The following SEPTIN11 variants were observed in gnomAD, a reference collection of about 807,000 sequenced individuals.
The protein encoded by SEPTIN11 is septin 11.
In SEPTIN11, 25 loss-of-function variants were observed where a neutral mutation model predicts 51.4. The observed-to-expected ratio is 0.49, with a 90% CI of 0.35 to 0.68. The LOEUF is 0.68. Among genes scored for constraint, SEPTIN11 ranks in the 30% least tolerant of loss-of-function variants. The pLI is 0.00. For synonymous variants in SEPTIN11, 174 were observed against 184.1 expected (o/e 0.95, Z 0.44); for missense variants, 381 against 520.8 (o/e 0.73, Z 2.61).
chr4:76,989,251 G>C (rs1021197785), intron 1 of SEPTIN11, among the ~76,000 whole-genome samples: 1 of 151,896 alleles, frequency 6.6e-6, no homozygotes, highest in Admixed American at 6.6e-5. Context: ...AAAATCTCCA[G>C]CTCTCCACCT....
At chr4:77,038,997 A>G, downstream of SEPTIN11, 3 of 985,888 alleles carry the variant, frequency 3.0e-6, no homozygotes, top group South Asian at 2.7e-5. Context: ...AGCTTGTTGT[A>G]GAGAAGCTCC....
At position 77,037,906 on chromosome 4, in the gene SEPTIN11, AAC is replaced by A; in HGVS notation, c.*3402_*3403del. The A allele has an allele frequency of 3.0e-6, 3 of 985,924 alleles. No homozygotes were observed. Among genetic ancestry groups the A allele is most frequent in the East Asian group, 1.1e-4 (1 of 8,824 alleles). 61.1% of individuals were successfully genotyped at this position (985,924 alleles called of 1,614,324 possible). ...CTCTGCTTTGTGACTCACCAGCAGT[AAC>A]ACACACAATCCACATCTTGTGCACC... is the stretch of plus-strand genomic sequence containing the variant. On this transcript the variant is annotated 3_prime_UTR_variant, in exon 10 of 10. Coordinates refer to ENST00000264893, the MANE Select transcript of SEPTIN11 (RefSeq NM_018243.4).
At chr4:77,016,631 C>CATATATATATATATATATATAT (rs1560736233) in intron 5 of SEPTIN11, among the ~76,000 whole-genome samples, 1 of 22,722 alleles carries the variant, frequency 4.4e-5, no homozygotes, top group African/African-American at 1.6e-4. Flanking sequence ...TATATATATA[C>CATATATATATATATATATATAT]ACATATATAT....
intron 1 of SEPTIN11, among the ~76,000 whole-genome samples, chr4:76,979,401 A>C (rs1722652336): frequency 6.6e-6 from 1 of 152,142 alleles, no homozygotes; most frequent in African/African-American, 2.4e-5. Context: ...CTCTGTGCAG[A>C]GGTCGGTATG....
chr4:76,976,351 G>A (rs1462617646), intron 1 of SEPTIN11, among the ~76,000 whole-genome samples: 1 of 152,064 alleles, frequency 6.6e-6, no homozygotes, highest in African/African-American at 2.4e-5. Flanking sequence ...TCCAAGGCTT[G>A]TGATTCCCTA....
intron 1 of SEPTIN11, among the ~76,000 whole-genome samples, chr4:76,967,663 TG>T (rs769893548): frequency 6.6e-6 from 1 of 152,258 alleles, no homozygotes. Flanking sequence ...TGGTTGAGTC[TG>T]CCAATTTGCA....
chr4:76,980,093 C>G (rs1432352294), intron 1 of SEPTIN11, among the ~76,000 whole-genome samples: 1 of 151,820 alleles, frequency 6.6e-6, no homozygotes, highest in South Asian at 2.1e-4. Context: ...TTTTTTTGTT[C>G]TGTGGATAAG....
At chr4:77,027,819 T>C (rs746399987) in intron 7 of SEPTIN11, among the ~76,000 whole-genome samples, 1 of 152,206 alleles carries the variant, frequency 6.6e-6, no homozygotes, top group Non-Finnish European at 1.5e-5. Flanking sequence ...TCTGTAAATA[T>C]ATTTGTTTTG....
chr4:76,983,288 G>C (rs1722861498), intron 1 of SEPTIN11, among the ~76,000 whole-genome samples: 1 of 152,208 alleles, frequency 6.6e-6, no homozygotes, highest in South Asian at 2.1e-4. Flanking sequence ...TTTCATTGCT[G>C]ACTTTGAAGA....
At chr4:76,994,585 C>A (rs554192021) in intron 1 of SEPTIN11, among the ~76,000 whole-genome samples, 1 of 152,296 alleles carries the variant, frequency 6.6e-6, no homozygotes, top group South Asian at 2.1e-4. Context: ...GTTGTCTGTC[C>A]CATTGACCTC....
rs1727021311 is a variant in SEPTIN11, at chr4:77,036,326, T to C, written c.*1814T>C. 1 of 1,035,632 alleles carries C rather than the reference T, an allele frequency of 9.7e-7. No homozygotes were observed. Among genetic ancestry groups the C allele is most frequent in the Admixed American group, 5.1e-5 (1 of 19,464 alleles). 64.2% of individuals were successfully genotyped at this position (1,035,632 alleles called of 1,614,324 possible). A position where few individuals can be genotyped will look rare whatever the true frequency, so the allele number is the denominator to read the frequency against. On this transcript the variant is annotated 3_prime_UTR_variant, in exon 10 of 10. Coordinates refer to ENST00000264893, the MANE Select transcript of SEPTIN11 (RefSeq NM_018243.4). Reference sequence around the variant, plus strand: ...TGGAGCTAACTGTGGAGCAGCCAAATAGTAGCTGGCATGTTGATTCAAACC... The same window carrying C: ...TGGAGCTAACTGTGGAGCAGCCAAACAGTAGCTGGCATGTTGATTCAAACC...
At chr4:77,016,629 T>TATACACATATATATATATATATATAC (rs1327433380) in intron 5 of SEPTIN11, among the ~76,000 whole-genome samples, 8 of 74,060 alleles carry the variant, frequency 1.1e-4, no homozygotes, top group Non-Finnish European at 1.5e-4. Flanking sequence ...TATATATATA[T>TATACACATATATATATATATATATAC]ACACATATAT....
intron 1 of SEPTIN11, among the ~76,000 whole-genome samples, chr4:76,975,211 C>T (rs1254027320): frequency 1.3e-5 from 2 of 151,602 alleles, no homozygotes; most frequent in South Asian, 2.1e-4. Context: ...TGGTGCCTCT[C>T]GTGTGTGTAT....
intron 7 of SEPTIN11, 80 bp from the exon 8 acceptor site, chr4:77,028,549 G>C: frequency 1.4e-6 from 2 of 1,409,818 alleles, no homozygotes; most frequent in Non-Finnish European, 1.9e-6. Flanking sequence ...TTTGAAAGTA[G>C]ATAGGTAGAA....
At chr4:77,006,951 A>G (rs1578174521) in intron 3 of SEPTIN11, among the ~76,000 whole-genome samples, 1 of 152,232 alleles carries the variant, frequency 6.6e-6, no homozygotes, top group Non-Finnish European at 1.5e-5. Context: ...TTCAGTAGAC[A>G]TTGTCCCGTG....
chr4:76,951,433 G>A (rs1295510681), intron 1 of SEPTIN11, among the ~76,000 whole-genome samples: 1 of 152,140 alleles, frequency 6.6e-6, no homozygotes, highest in Non-Finnish European at 1.5e-5. Flanking sequence ...TCACATGTAG[G>A]TTATTGTTAC....
downstream of SEPTIN11, chr4:77,038,723 C>T: frequency 2.2e-6 from 2 of 900,214 alleles, no homozygotes; most frequent in Non-Finnish European, 2.7e-6. Flanking sequence ...GCTTTCCTGC[C>T]TCGTGTGGTA....
chr4:77,019,959 A>G (rs1294200982), intron 6 of SEPTIN11, among the ~76,000 whole-genome samples: 1 of 152,146 alleles, frequency 6.6e-6, no homozygotes, highest in Non-Finnish European at 1.5e-5. Context: ...GAAAAATACA[A>G]TTTTTCTTAC....
intron 1 of SEPTIN11, among the ~76,000 whole-genome samples, chr4:76,953,234 G>A (rs747955453): frequency 2.1e-4 from 32 of 152,312 alleles, no homozygotes; most frequent in African/African-American, 7.2e-4. Flanking sequence ...TCAGGAACTT[G>A]TTCTAGGTGT....
Sources: gnomAD v4.1 joint callset for allele counts (sites outside exome capture counted in the v4.1 genomes callset) on GRCh38, gnomAD v4.1.1 for gene constraint, MANE v1.5 for transcripts, NCBI Gene and HGNC (gene_info 2026-07-23, HGNC 2026-07-21) for gene names.